Variants in TIAM1 observed in about 807,000 individuals in gnomAD.
TIAM1 encodes rho guanine nucleotide exchange factor TIAM1.
TIAM1 carries 65 observed loss-of-function variants against 163.5 expected under a neutral mutation model. The ratio of observed to expected loss-of-function variants is 0.40; its 90% CI spans 0.33 to 0.49. The LOEUF (loss-of-function observed/expected upper bound fraction) is 0.49, where lower values mean the gene tolerates loss of function less well. Among genes scored for constraint, TIAM1 ranks in the 20% least tolerant of loss-of-function variants. The pLI is 0.77. For missense variants in TIAM1, 1,789 were observed against 2,044.7 expected (o/e 0.87, Z 2.41); for synonymous variants, 833 against 810.1 (o/e 1.03, Z -0.48).
chr21:31,383,837 T>C (rs2076821423), intron 2 of TIAM1, among the ~76,000 whole-genome samples: 3 of 152,234 alleles, frequency 2.0e-5, no homozygotes, highest in African/African-American at 7.2e-5. Flanking sequence ...CTTCATTTGC[T>C]GTGATTTTCC....
rs546956951 is a variant in TIAM1, at chr21:31,267,503, G to A, written c.-11-520C>T. Among the ~76,000 whole-genome samples the A allele has an allele frequency of 2.2e-4, 32 of 142,494 alleles. 1 individual carries two copies. The South Asian group carries it at 5.8e-3, about 26-fold the overall frequency. The allele number at this position is 142,494 out of a possible 152,430, so 93.5% of individuals were successfully genotyped here. On this transcript the variant is annotated intron_variant, in intron 3 of 27. Transcript: ENST00000541036. Reference sequence around the variant, plus strand: ...TCCTTCCCTCCCTGACAATGGGTACGTTTCGTTTTTTCATTTTTTTTTTTT... The same window carrying A: ...TCCTTCCCTCCCTGACAATGGGTACATTTCGTTTTTTCATTTTTTTTTTTT...
intron 1 of TIAM1, among the ~76,000 whole-genome samples, chr21:31,549,769 G>A (rs1019942306): frequency 9.2e-5 from 14 of 152,172 alleles, no homozygotes; most frequent in Admixed American, 4.6e-4. Context: ...TCCTCAATAC[G>A]TTAAACATAG....
chr21:31,408,808 G>A (rs7282822), intron 2 of TIAM1, among the ~76,000 whole-genome samples: 5,515 of 152,226 alleles, frequency 0.036, 325 homozygotes, highest in African/African-American at 0.12. Flanking sequence ...CCCCACAAGA[G>A]CGTCAGCATC....
rs538932211 is a variant in TIAM1 at position 31,206,786 on chromosome 21, G to C, written c.2388+3259C>G. On this transcript the variant is annotated intron_variant, in intron 11 of 27. Coordinates refer to ENST00000541036, the MANE Select transcript of TIAM1 (RefSeq NM_001353694.2). ...CAATTAAAATAGATAACATGTCTCA[G>C]AATTTACTGCCTTAGAGCTCCTAAT... Among the ~76,000 whole-genome samples the C allele has an allele frequency of 6.4e-4, 98 of 151,952 alleles. 1 individual carries two copies. In the Middle Eastern group the frequency reaches 0.014, roughly 21 times the overall value.
At chr21:31,361,130 CAGT>C (rs2076399391) in intron 2 of TIAM1, among the ~76,000 whole-genome samples, 1 of 152,074 alleles carries the variant, frequency 6.6e-6, no homozygotes, top group South Asian at 2.1e-4. Flanking sequence ...TGATCACCAG[CAGT>C]AGAATGGATT....
intron 1 of TIAM1, among the ~76,000 whole-genome samples, chr21:31,527,849 T>C (rs924208447): frequency 6.6e-6 from 1 of 152,050 alleles, no homozygotes; most frequent in South Asian, 2.1e-4. Context: ...TCACATTGAG[T>C]CCCCTGATCA....
intron 2 of TIAM1, among the ~76,000 whole-genome samples, chr21:31,331,112 T>TA (rs1160748748): frequency 2.6e-5 from 4 of 151,862 alleles, no homozygotes; most frequent in South Asian, 4.2e-4. Flanking sequence ...GAGCCAGTGC[T>TA]AAAAAAAACA....
At chr21:31,183,108 G>GCGTT (rs1362861240) in intron 14 of TIAM1, among the ~76,000 whole-genome samples, 2 of 152,284 alleles carry the variant, frequency 1.3e-5, no homozygotes, top group South Asian at 2.1e-4. Context: ...AAAATGCAGG[G>GCGTT]CGTTCACTCT....
chr21:31,440,757 T>C (rs1343292151), intron 2 of TIAM1, among the ~76,000 whole-genome samples: 2 of 152,138 alleles, frequency 1.3e-5, no homozygotes, highest in East Asian at 1.9e-4. Context: ...GGCGTGTGCC[T>C]GTAATCCCAG....
rs545348804 is a variant in TIAM1 at position 31,179,573 on chromosome 21, G to A, written c.2887+2848C>T. ...AAAAAAAAAAAAACCTTCCAAAGATGATCCCAAAATTGCAGTTTTAATGTG... is the reference window on the plus strand; with the variant it reads ...AAAAAAAAAAAAACCTTCCAAAGATAATCCCAAAATTGCAGTTTTAATGTG... On this transcript the variant is annotated intron_variant, in intron 15 of 27. Transcript: ENST00000541036. 4.0e-5 allele frequency among the ~76,000 whole-genome samples: 6 copies of A among 149,864 alleles called. No homozygotes were observed. The South Asian group carries it at 1.3e-3, about 32-fold the overall frequency.
chr21:31,203,103 G>A (rs918148057), intron 11 of TIAM1, 91 bp from the exon 12 acceptor site: 1 of 1,033,414 alleles, frequency 9.7e-7, no homozygotes, highest in Non-Finnish European at 1.5e-6. Context: ...GTATTCCTAT[G>A]ACCAATAGAG....
chr21:31,155,586 G>C (rs543854882), intron 16 of TIAM1, among the ~76,000 whole-genome samples: 1 of 152,050 alleles, frequency 6.6e-6, no homozygotes, highest in East Asian at 1.9e-4. Flanking sequence ...CTCACAGCAA[G>C]CTCCACCTTC....
intron 1 of TIAM1, among the ~76,000 whole-genome samples, chr21:31,496,199 G>A (rs1284640221): frequency 6.6e-6 from 1 of 151,626 alleles, no homozygotes; most frequent in Non-Finnish European, 1.5e-5. Flanking sequence ...TGTAAAGAAG[G>A]AGAATACTGG....
chr21:31,160,609 T>C, intron 16 of TIAM1: 1 of 398,268 alleles, frequency 2.5e-6, no homozygotes, highest in Non-Finnish European at 4.4e-6. Context: ...TCTTAAAATA[T>C]TCCCAGAGCA....
At chr21:31,496,218 G>A (rs1247477696) in intron 1 of TIAM1, among the ~76,000 whole-genome samples, 1 of 151,558 alleles carries the variant, frequency 6.6e-6, no homozygotes, top group Non-Finnish European at 1.5e-5. Flanking sequence ...GGCCAAGCAC[G>A]GTGGCTCACG....
intron 1 of TIAM1, among the ~76,000 whole-genome samples, chr21:31,532,111 T>A (rs893704103): frequency 6.6e-6 from 1 of 152,058 alleles, no homozygotes; most frequent in African/African-American, 2.4e-5. Flanking sequence ...AGCAAGACCC[T>A]GTCTCAAAAA....
Position 31,182,586 on chromosome 21 carries a change from A to G in TIAM1, c.2722T>C (p.Ser908Pro), listed in dbSNP as rs1399116780. 6.2e-7 allele frequency: 1 copy of G among 1,614,082 alleles called. No individual in the cohort carries two copies. The highest frequency in any genetic ancestry group is 2.2e-5 in the East Asian group (1 of 44,874). Residue 908 changes from serine to proline, a missense_variant, in exon 15 of 28, where the codon TCT becomes CCT. Ser to Pro is a moderately conservative substitution (Grantham distance 74). Coordinates refer to ENST00000541036, the MANE Select transcript of TIAM1 (RefSeq NM_001353694.2). ...GAGAGGAAATCTTTGAGCATAGAAG[A>G]GTTCAGGGCGTCAGCAGCACGATTA... is the stretch of plus-strand genomic sequence containing the variant. ...INNRAADALNSSMLKDFLSQP... is the reference protein window; with the variant it reads ...INNRAADALNPSMLKDFLSQP...
intron 2 of TIAM1, among the ~76,000 whole-genome samples, chr21:31,298,767 T>TGTGTGTGA (rs777256501): frequency 2.8e-4 from 35 of 125,950 alleles, no homozygotes; most frequent in African/African-American, 9.0e-4. Flanking sequence ...TGTGTGTGTG[T>TGTGTGTGA]GAGAAACAGA....
intron 1 of TIAM1, among the ~76,000 whole-genome samples, chr21:31,467,929 T>C (rs966412017): frequency 1.3e-5 from 2 of 150,360 alleles, no homozygotes; most frequent in Non-Finnish European, 3.0e-5. Flanking sequence ...ATGCTAAAAA[T>C]ATGAAAATTA....
Sources: allele counts gnomAD v4.1 joint callset (sites outside exome capture counted in the v4.1 genomes callset), GRCh38; gene constraint gnomAD v4.1.1; transcripts MANE v1.5; gene names NCBI Gene and HGNC (gene_info 2026-07-23, HGNC 2026-07-21).